BRINP2: variants seen among roughly 807,000 people sequenced by gnomAD.
BRINP2 encodes the protein BMP/retinoic acid inducible neural specific 2.
In BRINP2, 21 loss-of-function variants were observed where a neutral mutation model predicts 69.2. The observed-to-expected ratio is 0.30, with a 90% CI of 0.22 to 0.44. BRINP2 has a LOEUF of 0.44. Ranked by LOEUF, BRINP2 falls within the 20% of genes least tolerant of loss-of-function variation. The pLI, the probability that BRINP2 is intolerant of heterozygous loss-of-function variation, is 1.00. For synonymous variants in BRINP2, 380 were observed against 394.1 expected, an observed-to-expected ratio of 0.96 and a Z score of 0.42; for missense variants, 877 against 986.0, an observed-to-expected ratio of 0.89 and a Z score of 1.48.
At position 177,171,068 on chromosome 1, in the gene BRINP2, G is replaced by C. The variant is rs1193893959; in HGVS notation, c.-741G>C. 6.6e-6 allele frequency among the ~76,000 whole-genome samples: 1 copy of C among 152,242 alleles called. No individual in the cohort carries two copies. Among genetic ancestry groups the C allele is most frequent in the Non-Finnish European group, 1.5e-5 (1 of 68,030 alleles). ...TGCCTCGCAAGCTGCTCGCCGCTGC[G>C]CTGGCAGCGCTTACGCTGAGCTCGG... On this transcript the variant is annotated 5_prime_UTR_variant, in exon 1 of 8. Coordinates refer to ENST00000361539, the MANE Select transcript of BRINP2 (RefSeq NM_021165.4).
chr1:177,179,773 A>G (rs1278604519), intron 1 of BRINP2, among the ~76,000 whole-genome samples: 6 of 152,172 alleles, frequency 3.9e-5, no homozygotes, highest in African/African-American at 1.4e-4. Context: ...TTTTAACAAG[A>G]TGAGAAGTGA....
chr1:177,187,945 G>C (rs573510266), intron 1 of BRINP2, among the ~76,000 whole-genome samples: 1 of 152,212 alleles, frequency 6.6e-6, no homozygotes, highest in East Asian at 1.9e-4. Context: ...CAGCACACCT[G>C]TTCTCTTGCT....
chr1:177,227,249 A>G lies in BRINP2; in HGVS notation c.-76-2552A>G, dbSNP rs138016793. ...AGTGTCTTCCCACCCGCATCCACGC[A>G]TTTCCACCTTGCTGTGTTGGCTGCC... is the stretch of plus-strand genomic sequence containing the variant. On this transcript the variant is annotated intron_variant, in intron 1 of 7. Coordinates refer to ENST00000361539, the MANE Select transcript of BRINP2 (RefSeq NM_021165.4). Among the ~76,000 whole-genome samples the G allele has an allele frequency of 1.9e-3, 284 of 152,286 alleles. 2 individuals carry two copies. The highest frequency in any genetic ancestry group is 6.5e-3 in the African/African-American group (269 of 41,550).
chr1:177,256,928 T>C, intron 3 of BRINP2: 2 of 1,341,812 alleles, frequency 1.5e-6, no homozygotes, highest in African/African-American at 1.5e-5. Context: ...ATAGAAGATG[T>C]TAAACAGATA....
At chr1:177,195,437 C>T (rs752900060) in intron 1 of BRINP2, among the ~76,000 whole-genome samples, 4 of 151,178 alleles carry the variant, frequency 2.6e-5, no homozygotes, top group Non-Finnish European at 4.4e-5. Context: ...AAGGCAGACA[C>T]GCTAAGGACA....
intron 1 of BRINP2, among the ~76,000 whole-genome samples, chr1:177,227,177 G>T (rs1343101016): frequency 6.6e-6 from 1 of 152,174 alleles, no homozygotes; most frequent in East Asian, 1.9e-4. Context: ...TATAGGGCAT[G>T]CACAGAAGGG....
At chr1:177,177,757 C>G (rs1042315472) in intron 1 of BRINP2, among the ~76,000 whole-genome samples, 1 of 152,144 alleles carries the variant, frequency 6.6e-6, no homozygotes, top group Non-Finnish European at 1.5e-5. Flanking sequence ...AATGCTAGAT[C>G]TCTCAAAGGG....
At chr1:177,232,601 G>A (rs1649895220) in intron 2 of BRINP2, among the ~76,000 whole-genome samples, 1 of 152,096 alleles carries the variant, frequency 6.6e-6, no homozygotes, top group Non-Finnish European at 1.5e-5. Context: ...CACTTGTAGG[G>A]CTCTACATTA....
chr1:177,256,188 A>G, intron 3 of BRINP2, 79 bp downstream of exon 3: 1 of 1,512,174 alleles, frequency 6.6e-7, no homozygotes, highest in South Asian at 1.3e-5. Context: ...GCGTAGCTCC[A>G]ACAGTCTTAT....
chr1:177,276,636 T>C (rs911145601), intron 6 of BRINP2, among the ~76,000 whole-genome samples: 5 of 152,248 alleles, frequency 3.3e-5, no homozygotes, highest in African/African-American at 9.6e-5. Flanking sequence ...ATTGGTATTA[T>C]GTCCATTTAC....
chr1:177,203,132 G>A (rs1299449379), intron 1 of BRINP2, among the ~76,000 whole-genome samples: 1 of 152,108 alleles, frequency 6.6e-6, no homozygotes, highest in Non-Finnish European at 1.5e-5. Context: ...ATACACCATG[G>A]AATACTATGC....
chr1:177,200,469 A>G (rs1648879161), intron 1 of BRINP2, among the ~76,000 whole-genome samples: 1 of 151,866 alleles, frequency 6.6e-6, no homozygotes, highest in African/African-American at 2.4e-5. Context: ...ATCTGACCCC[A>G]TTCCTCCTGC....
intron 1 of BRINP2, among the ~76,000 whole-genome samples, chr1:177,196,572 T>G (rs1571891783): frequency 6.6e-6 from 1 of 151,446 alleles, no homozygotes. Flanking sequence ...GAGCTGAGAT[T>G]GCGCCACTGC....
chr1:177,243,150 TAGAGA>T (rs1650258706), intron 2 of BRINP2, among the ~76,000 whole-genome samples: 1 of 151,960 alleles, frequency 6.6e-6, no homozygotes, highest in South Asian at 2.1e-4. Context: ...ATGAGAAATC[TAGAGA>T]AGAGTACAGG....
chr1:177,189,367 C>T (rs889331339), intron 1 of BRINP2, among the ~76,000 whole-genome samples: 3 of 147,586 alleles, frequency 2.0e-5, no homozygotes, highest in Admixed American at 6.8e-5. Context: ...AGTGACCAAA[C>T]CTCCCAGAAT....
chr1:177,231,123 C>T (rs1011630222), intron 2 of BRINP2, among the ~76,000 whole-genome samples: 2 of 152,194 alleles, frequency 1.3e-5, no homozygotes, highest in African/African-American at 2.4e-5. Context: ...TATGAACACA[C>T]TAATGTTTTT....
chr1:177,202,620 A>C (rs1312326210), intron 1 of BRINP2, among the ~76,000 whole-genome samples: 5 of 152,312 alleles, frequency 3.3e-5, no homozygotes, highest in African/African-American at 1.2e-4. Flanking sequence ...TTTTACTTCC[A>C]ACTATGTGGT....
chr1:177,247,408 A>G (rs1157104531), intron 2 of BRINP2, among the ~76,000 whole-genome samples: 1 of 152,228 alleles, frequency 6.6e-6, no homozygotes, highest in Non-Finnish European at 1.5e-5. Flanking sequence ...TCATTGGTTG[A>G]CAGTTTAAGT....
chr1:177,216,686 A>G (rs1357105987), intron 1 of BRINP2, among the ~76,000 whole-genome samples: 1 of 152,068 alleles, frequency 6.6e-6, no homozygotes, highest in Non-Finnish European at 1.5e-5. Flanking sequence ...TAGTGATGAT[A>G]AACTTATTTA....
Sources: allele counts gnomAD v4.1 joint callset (sites outside exome capture counted in the v4.1 genomes callset), GRCh38; gene constraint gnomAD v4.1.1; transcripts MANE v1.5; gene names NCBI Gene and HGNC (gene_info 2026-07-23, HGNC 2026-07-21).